SLIRP: variants seen among roughly 807,000 people sequenced by gnomAD.
SLIRP encodes SRA stem-loop-interacting RNA-binding protein, mitochondrial.
SLIRP carries 12 observed loss-of-function variants against 13.4 expected under a neutral mutation model. The observed-to-expected ratio is 0.89, with a 90% CI of 0.57 to 1.45. The LOEUF (loss-of-function observed/expected upper bound fraction) is 1.45. Among genes scored for constraint, SLIRP ranks in the 40% most tolerant of loss-of-function variants. The pLI, the probability that SLIRP is intolerant of heterozygous loss-of-function variation, is 0.00. For missense variants in SLIRP, 154 were observed against 132.2 expected, an observed-to-expected ratio of 1.17 and a Z score of -0.81; for synonymous variants, 55 against 47.1, an observed-to-expected ratio of 1.17 and a Z score of -0.69.
At position 77,716,135 on chromosome 14, in the gene SLIRP, T is replaced by G. The variant is rs552282361; in HGVS notation, c.264+256T>G. 3.8e-5 allele frequency: 10 copies of G among 260,838 alleles called. No homozygotes were observed. In the East Asian group the frequency reaches 8.8e-4, roughly 23 times the overall value. 16.2% of individuals were successfully genotyped at this position (260,838 alleles called of 1,614,324 possible). On this transcript the variant is annotated intron_variant, in intron 3 of 3. Transcript: ENST00000557342. ...ATCGAGACCATCCTGGCTAACACGGTGAAACCCCGTCTCTACTAAAAATAC... is the reference window on the plus strand; with the variant it reads ...ATCGAGACCATCCTGGCTAACACGGGGAAACCCCGTCTCTACTAAAAATAC...
chr14:77,713,181 TTTC>T (rs1201675086), intron 2 of SLIRP, among the ~76,000 whole-genome samples: 2 of 152,196 alleles, frequency 1.3e-5, no homozygotes, highest in Non-Finnish European at 2.9e-5. Context: ...TGAGTACCAT[TTTC>T]TTTTTTAGAT....
intron 2 of SLIRP, among the ~76,000 whole-genome samples, chr14:77,715,490 A>G (rs970430050): frequency 8.4e-5 from 7 of 83,528 alleles, no homozygotes; most frequent in Admixed American, 2.7e-4. Context: ...CAAAAAATAT[A>G]AAAAATGAGG....
Position 77,717,380 on chromosome 14 carries a change from A to G in SLIRP, c.265-116A>G, listed in dbSNP as rs541254300. ...GGAGAAAACGAAAGAACAAGGGACA[A>G]ATAAAAACTGCCTGGGTTATTCATT... On this transcript the variant is annotated intron_variant, in intron 3 of 3. Coordinates refer to ENST00000557342, the MANE Select transcript of SLIRP (RefSeq NM_031210.6). 30 of 855,560 alleles carry G rather than the reference A, an allele frequency of 3.5e-5. No homozygotes were observed. In the South Asian group the frequency reaches 4.5e-4, roughly 13 times the overall value. 53.0% of individuals were successfully genotyped at this position (855,560 alleles called of 1,614,324 possible). A position where few individuals can be genotyped will look rare whatever the true frequency, so the allele number is the denominator to read the frequency against.
At chr14:77,710,159 T>C (rs1219876365) in intron 1 of SLIRP, among the ~76,000 whole-genome samples, 2 of 152,202 alleles carry the variant, frequency 1.3e-5, no homozygotes, top group Admixed American at 6.5e-5. Flanking sequence ...TCTAAATCTT[T>C]GAAGTCTCAC....
At chr14:77,710,938 A>C (rs748173835) in intron 2 of SLIRP, 42 bp downstream of exon 2, 39 of 1,549,762 alleles carry the variant, frequency 2.5e-5, no homozygotes, top group Non-Finnish European at 3.3e-5. Flanking sequence ...GGGATGGCTA[A>C]TGGGTACAAA....
intron 1 of SLIRP, chr14:77,710,552 C>A: frequency 7.0e-7 from 1 of 1,428,746 alleles, no homozygotes; most frequent in Non-Finnish European, 9.3e-7. Flanking sequence ...GATCTGCTCA[C>A]AGGGATCATA....
At chr14:77,710,189 G>C (rs1010542541) in intron 1 of SLIRP, among the ~76,000 whole-genome samples, 1 of 152,150 alleles carries the variant, frequency 6.6e-6, no homozygotes, top group South Asian at 2.1e-4. Context: ...ACATTGTCTT[G>C]TACTGTGATA....
intron 1 of SLIRP, among the ~76,000 whole-genome samples, chr14:77,708,809 A>T (rs978535601): frequency 6.6e-6 from 1 of 152,212 alleles, no homozygotes; most frequent in African/African-American, 2.4e-5. Flanking sequence ...GAAACTTGTG[A>T]GGTTTCCGTC....
chr14:77,717,296 A>G (rs996781962), intron 3 of SLIRP, among the ~76,000 whole-genome samples, 200 bp from the exon 4 acceptor site: 14 of 152,220 alleles, frequency 9.2e-5, no homozygotes, highest in African/African-American at 3.4e-4. Flanking sequence ...TCTGATTTAC[A>G]ATTTTTAATT....
At chr14:77,710,087 A>G (rs1313565889) in intron 1 of SLIRP, among the ~76,000 whole-genome samples, 1 of 152,238 alleles carries the variant, frequency 6.6e-6, no homozygotes, top group Admixed American at 6.5e-5. Context: ...TCAGTGAAGT[A>G]CAAGCACTGT....
At chr14:77,714,223 T>A (rs1470241147) in intron 2 of SLIRP, among the ~76,000 whole-genome samples, 1 of 152,096 alleles carries the variant, frequency 6.6e-6, no homozygotes, top group Non-Finnish European at 1.5e-5. Context: ...CCCAGGCTGG[T>A]CTCGAGCTCC....
intron 2 of SLIRP, chr14:77,711,856 CTT>C (rs2080442975): frequency 6.5e-6 from 1 of 152,868 alleles, no homozygotes; most frequent in Admixed American, 6.5e-5. Flanking sequence ...ACTGTGCTGG[CTT>C]ATTTTTGTGG....
intron 2 of SLIRP, among the ~76,000 whole-genome samples, chr14:77,714,815 GAGAC>G (rs1345317399): frequency 1.3e-5 from 2 of 152,180 alleles, no homozygotes; most frequent in Non-Finnish European, 1.5e-5. Flanking sequence ...TGACTTGAAT[GAGAC>G]TAATGAGGAC....
At chr14:77,711,422 T>G (rs2080439734) in intron 2 of SLIRP, among the ~76,000 whole-genome samples, 1 of 152,182 alleles carries the variant, frequency 6.6e-6, no homozygotes, top group Non-Finnish European at 1.5e-5. Context: ...CCTCCCAGGC[T>G]TAAGTGATCT....
Position 77,715,942 on chromosome 14 carries a change from T to G in SLIRP, c.264+63T>G, listed in dbSNP as rs554878822. 9.9e-5 allele frequency: 117 copies of G among 1,182,322 alleles called. No individual in the cohort carries two copies. The African/African-American group carries it at 1.7e-3, about 17-fold the overall frequency. 73.2% of individuals were successfully genotyped at this position (1,182,322 alleles called of 1,614,324 possible). A position where few individuals can be genotyped will look rare whatever the true frequency, so the allele number is the denominator to read the frequency against. ...CATGTAGGTACTATTTAATTATGTA[T>G]CAATTAAATAGATCATAAATGTGGA... On this transcript the variant is annotated intron_variant, in intron 3 of 3. Coordinates refer to ENST00000557342, the MANE Select transcript of SLIRP (RefSeq NM_031210.6).
intron 1 of SLIRP, chr14:77,710,413 G>A (rs991342895): frequency 1.2e-5 from 5 of 421,540 alleles, no homozygotes; most frequent in African/African-American, 1.0e-4. Flanking sequence ...AATAAGGCAG[G>A]AAGGGTAGGT....
intron 1 of SLIRP, among the ~76,000 whole-genome samples, chr14:77,709,820 G>C (rs1341367843): frequency 1.3e-5 from 2 of 152,036 alleles, no homozygotes; most frequent in Non-Finnish European, 2.9e-5. Context: ...CTTGCCAGTT[G>C]GTTTGACTTA....
At chr14:77,710,782 AAGAT>A (rs1418015727) in intron 1 of SLIRP, 52 bp from the exon 2 acceptor site, 1 of 1,607,560 alleles carries the variant, frequency 6.2e-7, no homozygotes, top group Non-Finnish European at 8.5e-7. Flanking sequence ...TCTACAGTCT[AAGAT>A]AGAGAATCCA....
intron 3 of SLIRP, among the ~76,000 whole-genome samples, chr14:77,716,511 C>T (rs1004040198): frequency 1.2e-4 from 18 of 150,794 alleles, no homozygotes; most frequent in Non-Finnish European, 2.7e-4. Context: ...ATTAGATGGG[C>T]GTGGTGGCAC....
Sources: allele counts gnomAD v4.1 joint callset (sites outside exome capture counted in the v4.1 genomes callset), GRCh38; gene constraint gnomAD v4.1.1; transcripts MANE v1.5; gene names NCBI Gene and HGNC (gene_info 2026-07-23, HGNC 2026-07-21).